The following RANBP2 variants were observed in gnomAD, a reference collection of about 807,000 sequenced individuals.
RANBP2 encodes the protein E3 SUMO-protein ligase RanBP2.
In RANBP2, 57 loss-of-function variants were observed where a neutral mutation model predicts 303.6. The ratio of observed to expected loss-of-function variants is 0.19; its 90% CI spans 0.15 to 0.23. The LOEUF (loss-of-function observed/expected upper bound fraction) is 0.23, where lower values mean the gene tolerates loss of function less well. RANBP2 is among the 10% of genes least tolerant of loss of function. The pLI is 1.00. For missense variants in RANBP2, 3,138 were observed against 3,780.8 expected, an observed-to-expected ratio of 0.83 and a Z score of 4.46; for synonymous variants, 1,167 against 1,301.5, an observed-to-expected ratio of 0.90 and a Z score of 2.23.
the RANBP2 span, among the ~76,000 whole-genome samples, chr2:109,191,963 G>C: frequency 6.6e-6 from 1 of 152,052 alleles, no homozygotes; most frequent in Non-Finnish European, 1.5e-5. Flanking sequence ...TTGACAAAAA[G>C]GGCCTCACAC....
the RANBP2 span, chr2:109,545,300 A>T: frequency 6.9e-7 from 1 of 1,440,534 alleles, no homozygotes; most frequent in Non-Finnish European, 9.1e-7. Context: ...AAATAAAACA[A>T]GGGACACAAA....
At chr2:108,756,704 A>G (rs976761664) in intron 17 of RANBP2, among the ~76,000 whole-genome samples, 4 of 152,244 alleles carry the variant, frequency 2.6e-5, no homozygotes, top group Non-Finnish European at 5.9e-5. Context: ...AAAGCTTGGT[A>G]CTAGTACTGA....
the RANBP2 span, among the ~76,000 whole-genome samples, chr2:108,859,476 G>C: frequency 6.6e-6 from 1 of 151,962 alleles, no homozygotes; most frequent in African/African-American, 2.4e-5. Context: ...TTTTGCCTAG[G>C]CCAATGTCCA....
chr2:108,876,391 T>C, the RANBP2 span: 6 of 518,164 alleles, frequency 1.2e-5, no homozygotes, highest in African/African-American at 9.6e-5. Context: ...TTTTGAACTG[T>C]AAAAATGAAA....
the RANBP2 span, among the ~76,000 whole-genome samples, chr2:109,669,176 T>C: frequency 3.3e-5 from 5 of 151,888 alleles, no homozygotes; most frequent in East Asian, 9.7e-4. Flanking sequence ...GAAAATAAAA[T>C]CAAATGGATT....
At chr2:108,723,427 A>C (rs1694442078) in intron 1 of RANBP2, among the ~76,000 whole-genome samples, 1 of 151,820 alleles carries the variant, frequency 6.6e-6, no homozygotes, top group Admixed American at 6.6e-5. Flanking sequence ...GGCACCCGCC[A>C]CCACACCCGG....
the RANBP2 span, among the ~76,000 whole-genome samples, chr2:108,812,209 C>CAT: frequency 3.3e-5 from 5 of 151,756 alleles, no homozygotes; most frequent in Non-Finnish European, 5.9e-5. Context: ...TCAGTTCTTC[C>CAT]ATATATATAT....
At chr2:109,260,499 A>G in the RANBP2 span, among the ~76,000 whole-genome samples, 2 of 152,186 alleles carry the variant, frequency 1.3e-5, no homozygotes, top group African/African-American at 2.4e-5. Flanking sequence ...CCAGTTCCAT[A>G]CTTACCCTCT....
the RANBP2 span, among the ~76,000 whole-genome samples, chr2:109,146,320 G>T: frequency 6.6e-6 from 1 of 152,154 alleles, no homozygotes; most frequent in African/African-American, 2.4e-5. Flanking sequence ...TTGCCAAAGG[G>T]ATCATTCCAG....
At chr2:109,703,934 G>A in the RANBP2 span, among the ~76,000 whole-genome samples, 6 of 152,136 alleles carry the variant, frequency 3.9e-5, no homozygotes, top group African/African-American at 1.4e-4. Context: ...GAGAACTGGT[G>A]GACACCATGA....
the RANBP2 span, among the ~76,000 whole-genome samples, chr2:109,048,423 T>C: frequency 6.6e-6 from 1 of 151,988 alleles, no homozygotes; most frequent in African/African-American, 2.4e-5. Context: ...ACATGTGGAG[T>C]TTTGAGTCTT....
chr2:109,147,173 C>T, the RANBP2 span, among the ~76,000 whole-genome samples: 2 of 152,146 alleles, frequency 1.3e-5, no homozygotes, highest in Non-Finnish European at 2.9e-5. Context: ...GGCACTTCCT[C>T]AAGGTGCCTG....
chr2:109,221,377 G>GTT, the RANBP2 span, among the ~76,000 whole-genome samples: 1 of 152,130 alleles, frequency 6.6e-6, no homozygotes, highest in Non-Finnish European at 1.5e-5. Flanking sequence ...GAGCTCAGGC[G>GTT]TTTGAGACCA....
chr2:109,241,891 G>A, the RANBP2 span, among the ~76,000 whole-genome samples: 416 of 151,538 alleles, frequency 2.7e-3, 2 homozygotes, highest in African/African-American at 9.8e-3. Context: ...TCAGCCTCCC[G>A]AGTAGCTGGG....
the RANBP2 span, among the ~76,000 whole-genome samples, chr2:109,227,890 T>G: frequency 2.0e-5 from 3 of 152,264 alleles, no homozygotes; most frequent in African/African-American, 7.2e-5. Context: ...CAACTGCAGT[T>G]CCCTGTAGGC....
chr2:108,861,303 A>G, the RANBP2 span, among the ~76,000 whole-genome samples: 2 of 151,618 alleles, frequency 1.3e-5, no homozygotes, highest in Admixed American at 6.6e-5. Flanking sequence ...CGATCCTTAT[A>G]TAGTTCTTTT....
chr2:108,968,453 G>A, the RANBP2 span, among the ~76,000 whole-genome samples: 1 of 152,282 alleles, frequency 6.6e-6, no homozygotes, highest in East Asian at 1.9e-4. Context: ...GGGGAGGTTT[G>A]TCCCCAGCAG....
the RANBP2 span, among the ~76,000 whole-genome samples, chr2:109,498,113 G>A: frequency 2.6e-5 from 4 of 152,158 alleles, no homozygotes; most frequent in African/African-American, 7.2e-5. Flanking sequence ...TCACAGAGAC[G>A]CTGAGCTGGG....
the RANBP2 span, among the ~76,000 whole-genome samples, chr2:109,401,300 G>T: frequency 1.3e-5 from 2 of 152,232 alleles, no homozygotes; most frequent in Middle Eastern, 3.2e-3. Flanking sequence ...TCAAAGGGAA[G>T]TTGCAGCAGG....
Sources: gnomAD v4.1 joint callset for allele counts (sites outside exome capture counted in the v4.1 genomes callset) on GRCh38, gnomAD v4.1.1 for gene constraint, MANE v1.5 for transcripts, NCBI Gene and HGNC (gene_info 2026-07-23, HGNC 2026-07-21) for gene names.